Variants in DNAJC27 observed in about 807,000 individuals in gnomAD.
The protein encoded by DNAJC27 is dnaJ homolog subfamily C member 27.
Under a neutral mutation model 31.4 loss-of-function variants are expected in DNAJC27, and 25 were observed. The observed-to-expected ratio is 0.80, with a 90% CI of 0.58 to 1.11. The LOEUF is 1.11. Among genes scored for constraint, DNAJC27 ranks in the 50% most tolerant of loss-of-function variants. The pLI is 0.00. For missense variants in DNAJC27, 356 were observed against 347.3 expected, an observed-to-expected ratio of 1.02 and a Z score of -0.20; for synonymous variants, 106 against 112.7, an observed-to-expected ratio of 0.94 and a Z score of 0.37.
chr2:24,957,505 T>A (rs1665935994), intron 4 of DNAJC27, among the ~76,000 whole-genome samples: 1 of 152,024 alleles, frequency 6.6e-6, no homozygotes, highest in Non-Finnish European at 1.5e-5. Flanking sequence ...ATAGTCCACA[T>A]CACCTAATTA....
At chr2:24,967,070 A>T in intron 2 of DNAJC27, 141 bp downstream of exon 2, 1 of 663,244 alleles carries the variant, frequency 1.5e-6, no homozygotes, top group Non-Finnish European at 2.7e-6. Context: ...GTAAAGGTCT[A>T]CTATTCCTAT....
Position 24,954,637 on chromosome 2 carries a change from A to C in DNAJC27, c.528+2406T>G, listed in dbSNP as rs577412862. On this transcript the variant is annotated intron_variant, in intron 5 of 6. Transcript: ENST00000264711. The stretch of plus-strand genomic sequence containing the variant: ...CAAAAATCAACACTAAACATTCTTC[A>C]ATCAAGAATCAATAGTCAGGCTGGG... Among the ~76,000 whole-genome samples the C allele has an allele frequency of 1.4e-4, 22 of 152,348 alleles. 1 individual carries two copies. The East Asian group carries it at 4.2e-3, about 29-fold the overall frequency.
At chr2:24,959,484 T>A (rs1016812443) in intron 3 of DNAJC27, among the ~76,000 whole-genome samples, 1 of 152,218 alleles carries the variant, frequency 6.6e-6, no homozygotes, top group African/African-American at 2.4e-5. Flanking sequence ...TCAAATTCAA[T>A]ATGCACACAG....
intron 2 of DNAJC27, among the ~76,000 whole-genome samples, chr2:24,965,432 T>C (rs1056860138): frequency 6.6e-6 from 1 of 151,628 alleles, no homozygotes; most frequent in African/African-American, 2.4e-5. Flanking sequence ...ATTTTTGTAT[T>C]TTTAGTAGAG....
intron 3 of DNAJC27, among the ~76,000 whole-genome samples, chr2:24,959,609 T>C (rs1665992199): frequency 1.3e-5 from 2 of 152,206 alleles, no homozygotes; most frequent in South Asian, 2.1e-4. Flanking sequence ...ATCCTCCCAC[T>C]AGCTCCTGAC....
chr2:24,948,658 G>C (rs569638000), intron 6 of DNAJC27, among the ~76,000 whole-genome samples: 3 of 152,312 alleles, frequency 2.0e-5, no homozygotes, highest in East Asian at 1.9e-4. Context: ...CTCCAGGAGA[G>C]AGCTGCAGGC....
In DNAJC27 at chr2:24,951,652, A is replaced by G. The variant is rs1253488449; in HGVS notation, c.529-98T>C. The G allele has an allele frequency of 3.7e-6, 4 of 1,067,182 alleles. No homozygotes were observed. The Admixed American group carries it at 1.1e-4, about 31-fold the overall frequency. 66.1% of individuals were successfully genotyped at this position (1,067,182 alleles called of 1,614,324 possible). A position where few individuals can be genotyped will look rare whatever the true frequency, so the allele number is the denominator to read the frequency against. ...AAAAGACTTTTAATATATTCCAGCA[A>G]CTCTTAGAAGTCATGTATAAAGCAA... On this transcript the variant is annotated intron_variant, in intron 5 of 6. Transcript: ENST00000264711.
intron 2 of DNAJC27, among the ~76,000 whole-genome samples, chr2:24,964,754 T>C (rs1666137388): frequency 6.6e-6 from 1 of 152,232 alleles, no homozygotes; most frequent in Non-Finnish European, 1.5e-5. Flanking sequence ...GACTATACCA[T>C]GGTCCTTTGG....
intron 2 of DNAJC27, among the ~76,000 whole-genome samples, chr2:24,965,489 CAG>C (rs1280381318): frequency 1.3e-5 from 2 of 152,090 alleles, no homozygotes; most frequent in African/African-American, 4.8e-5. Context: ...CTCCTGGCCT[CAG>C]GTGATCTGCC....
At chr2:24,952,934 T>G (rs1665815663) in intron 5 of DNAJC27, among the ~76,000 whole-genome samples, 1 of 152,160 alleles carries the variant, frequency 6.6e-6, no homozygotes, top group Admixed American at 6.5e-5. Flanking sequence ...TTTTTCTTTT[T>G]TTTGAGACAG....
chr2:24,947,693 A>G lies in DNAJC27; in HGVS notation c.745T>C (p.Cys249Arg), dbSNP rs1015039576. 1.2e-6 allele frequency: 2 copies of G among 1,613,744 alleles called. No individual in the cohort carries two copies. Among genetic ancestry groups the G allele is most frequent in the Non-Finnish European group, 1.7e-6 (2 of 1,179,686 alleles). Residue 249 changes from cysteine to arginine, a missense_variant, in exon 7 of 7, where the codon TGT becomes CGT. Cys to Arg is a radical substitution (Grantham distance 180, BLOSUM62 -3). Transcript: ENST00000264711. ...GCATCTTCACTGCCAGGTGCTACAC[A>G]TTTGTCAGGGTGAAGAAGCACAGCA... Reference protein sequence around the residue: ...KLAVLLHPDKCVAPGSEDAFK... With the variant: ...KLAVLLHPDKRVAPGSEDAFK...
chr2:24,957,737 CTTT>C (rs942378593), intron 4 of DNAJC27, 70 bp downstream of exon 4: 1 of 1,386,020 alleles, frequency 7.2e-7, no homozygotes, highest in Non-Finnish European at 1.0e-6. Context: ...TTTTTCTTTT[CTTT>C]TTGTTTCCCA....
At chr2:24,969,294 T>C (rs536901973) in intron 1 of DNAJC27, 14 of 161,966 alleles carry the variant, frequency 8.6e-5, no homozygotes, top group South Asian at 3.4e-4. Context: ...CGTGATGATG[T>C]CAAGGCTCAG....
intron 6 of DNAJC27, among the ~76,000 whole-genome samples, chr2:24,950,244 C>T (rs141190038): frequency 6.9e-4 from 105 of 152,302 alleles, no homozygotes; most frequent in Non-Finnish European, 1.0e-3. Context: ...TCCTTCTGGA[C>T]TTGAAGATAC....
chr2:24,961,626 T>C (rs1666043839), intron 3 of DNAJC27, among the ~76,000 whole-genome samples: 2 of 151,710 alleles, frequency 1.3e-5, no homozygotes, highest in Non-Finnish European at 2.9e-5. Context: ...AGTTTGGAAG[T>C]TGATTCCAAC....
At chr2:24,959,319 C>T (rs1283335256) in intron 3 of DNAJC27, among the ~76,000 whole-genome samples, 1 of 152,186 alleles carries the variant, frequency 6.6e-6, no homozygotes, top group African/African-American at 2.4e-5. Context: ...TGCCTTCTTC[C>T]TTTCGTTTTG....
Position 24,967,206 on chromosome 2 carries a change from C to T in DNAJC27, c.170+5G>A. 6.2e-7 allele frequency: 1 copy of T among 1,609,948 alleles called. No individual in the cohort carries two copies. Among genetic ancestry groups the T allele is most frequent in the East Asian group, 2.2e-5 (1 of 44,850 alleles). ...CTTACAAACCCAGGGAAACAATATA[C>T]TTACTTTGTGACTCCATAGTCAATT... On this transcript the variant is annotated splice_donor_5th_base_variant and intron_variant, in intron 2 of 6. Transcript: ENST00000264711.
intron 3 of DNAJC27, among the ~76,000 whole-genome samples, chr2:24,960,777 G>T (rs1287063193): frequency 6.6e-6 from 1 of 152,258 alleles, no homozygotes; most frequent in Non-Finnish European, 1.5e-5. Context: ...GGCTGAGAGA[G>T]ATGAGGAAGC....
intron 1 of DNAJC27, chr2:24,969,390 T>C: frequency 5.6e-6 from 1 of 178,762 alleles, no homozygotes; most frequent in Non-Finnish European, 1.2e-5. Flanking sequence ...TGCAAAGCTC[T>C]CATAGACATC....
Sources: gnomAD v4.1 joint callset for allele counts (sites outside exome capture counted in the v4.1 genomes callset) on GRCh38, gnomAD v4.1.1 for gene constraint, MANE v1.5 for transcripts, NCBI Gene and HGNC (gene_info 2026-07-23, HGNC 2026-07-21) for gene names.